Variants in CHST12 observed in about 807,000 individuals in gnomAD.
The protein encoded by CHST12 is carbohydrate (chondroitin 4) sulfotransferase 12.
A neutral mutation model predicts 27.9 loss-of-function variants in CHST12; 23 were observed. That is an observed-to-expected ratio of 0.82 (90% confidence interval 0.59 to 1.17). The LOEUF is 1.17. CHST12 is among the 50% of genes most tolerant of loss of function. CHST12 has a pLI of 0.00. For synonymous variants in CHST12, 322 were observed against 273.0 expected, an observed-to-expected ratio of 1.18 and a Z score of -1.77; for missense variants, 682 against 603.0, an observed-to-expected ratio of 1.13 and a Z score of -1.37.
chr7:2,437,106 G>A lies in CHST12; in HGVS notation c.*3222G>A, dbSNP rs1782492266. 6.6e-6 allele frequency: 1 copy of A among 152,246 alleles called. No homozygotes were observed. Among genetic ancestry groups the A allele is most frequent in the East Asian group, 1.9e-4 (1 of 5,200 alleles). 9.4% of individuals were successfully genotyped at this position (152,246 alleles called of 1,614,324 possible). On this transcript the variant is annotated 3_prime_UTR_variant, in exon 2 of 2. Transcript: ENST00000618655. ...AAACACAGCAAATTATACATTTTAT[G>A]AAAATTGGCATCGTACAACTGGAAA...
At chr7:2,405,430 TA>T (rs911727061) in intron 1 of CHST12, among the ~76,000 whole-genome samples, 1 of 151,328 alleles carries the variant, frequency 6.6e-6, no homozygotes, top group Non-Finnish European at 1.5e-5. Context: ...GGCAACAGAG[TA>T]AAAAAAAGAC....
intron 1 of CHST12, among the ~76,000 whole-genome samples, chr7:2,420,483 T>C (rs1382642564): frequency 6.6e-6 from 1 of 152,188 alleles, no homozygotes; most frequent in Non-Finnish European, 1.5e-5. Flanking sequence ...CTGACATCAG[T>C]GTGGACATGG....
rs554818518 is a variant in CHST12 at position 2,437,222 on chromosome 7, G to T, written c.*3338G>T. The T allele has an allele frequency of 6.6e-6, 1 of 152,364 alleles. No homozygotes were observed. Among genetic ancestry groups the T allele is most frequent in the Admixed American group, 6.5e-5 (1 of 15,302 alleles). The allele number at this position is 152,364 out of a possible 1,614,324, so 9.4% of individuals were successfully genotyped here. ...TGAGCACAGTCATGAGAATGACTTGGTTGGGTGCGGGGTGGTGTCACAAAG... is the reference window on the plus strand; with the variant it reads ...TGAGCACAGTCATGAGAATGACTTGTTTGGGTGCGGGGTGGTGTCACAAAG... On this transcript the variant is annotated 3_prime_UTR_variant, in exon 2 of 2. Transcript: ENST00000618655.
At position 2,433,503 on chromosome 7, in the gene CHST12, G is replaced by A. The variant is rs780659495; in HGVS notation, c.864G>A (p.Ala288=). ...YANHTSLPAS[A]REAFRAGLKV... ...ACCACACCAGCCTGCCCGCCTCGGCGCGCGAGGCCTTCCGCGCTGGCCTCA... is the reference window on the plus strand; with the variant it reads ...ACCACACCAGCCTGCCCGCCTCGGCACGCGAGGCCTTCCGCGCTGGCCTCA... The change falls in exon 2 of 2, where the codon GCG becomes GCA. Residue 288 remains alanine (A), a synonymous_variant. Coordinates refer to ENST00000618655, the MANE Select transcript of CHST12 (RefSeq NM_018641.5). This position sits in a 1 kb window ranked among gnomAD's most constrained non-coding sequence, Gnocchi z 6.1. 4 of 1,612,108 alleles carry A rather than the reference G, an allele frequency of 2.5e-6. No homozygotes were observed. Among genetic ancestry groups the A allele is most frequent in the Admixed American group, 1.7e-5 (1 of 60,004 alleles).
intron 1 of CHST12, among the ~76,000 whole-genome samples, chr7:2,423,301 G>A (rs1782024247): frequency 1.3e-5 from 2 of 152,054 alleles, no homozygotes; most frequent in South Asian, 4.2e-4. Context: ...TAGAAAAATA[G>A]GCTGTAAAAT....
intron 1 of CHST12, among the ~76,000 whole-genome samples, chr7:2,409,075 G>C (rs563858811): frequency 6.6e-6 from 1 of 152,170 alleles, no homozygotes; most frequent in Non-Finnish European, 1.5e-5. Context: ...ACCATCGTGC[G>C]GGAAACGAAA....
At chr7:2,404,574 G>T (rs1294920356) in intron 1 of CHST12, among the ~76,000 whole-genome samples, 1 of 152,242 alleles carries the variant, frequency 6.6e-6, no homozygotes, top group African/African-American at 2.4e-5. Context: ...GGACAGCTCA[G>T]CGGGTCCCCC....
Position 2,422,313 on chromosome 7 carries a change from C to T in CHST12, c.-77-10250C>T, listed in dbSNP as rs532605629. Among the ~76,000 whole-genome samples, 99 of 151,928 alleles carry T rather than the reference C, an allele frequency of 6.5e-4. 1 individual carries two copies. The South Asian group carries it at 9.8e-3, about 15-fold the overall frequency. On this transcript the variant is annotated intron_variant, in intron 1 of 1. Transcript: ENST00000618655. ...AGGCTGGAGTGCAGTGGCGCCATCTCGGCTCACTGCAACCTCCGCCTCCCA... is the reference window on the plus strand; with the variant it reads ...AGGCTGGAGTGCAGTGGCGCCATCTTGGCTCACTGCAACCTCCGCCTCCCA...
At chr7:2,422,945 G>T (rs1399803070) in intron 1 of CHST12, among the ~76,000 whole-genome samples, 1 of 151,752 alleles carries the variant, frequency 6.6e-6, no homozygotes, top group African/African-American at 2.4e-5. Context: ...CTCGAGAGGG[G>T]TGGTCCTGAA....
chr7:2,411,826 C>T (rs2023968), intron 1 of CHST12, among the ~76,000 whole-genome samples: 94,721 of 152,092 alleles, frequency 0.62, 30,146 homozygotes, highest in East Asian at 0.79. Context: ...AGTGAGTTAT[C>T]GTTTGGATTC....
intron 1 of CHST12, 87 bp from the exon 2 acceptor site, chr7:2,432,476 C>T (rs1782297714): frequency 1.3e-5 from 11 of 825,804 alleles, no homozygotes; most frequent in South Asian, 3.7e-5. Context: ...CCTGCTCCTC[C>T]GGACCCCAGT....
rs139138201 is a variant in CHST12 at position 2,433,508 on chromosome 7, A to G, written c.869A>G (p.Glu290Gly). 6.2e-7 allele frequency: 1 copy of G among 1,612,282 alleles called. No homozygotes were observed. Among genetic ancestry groups the G allele is most frequent in the East Asian group, 2.2e-5 (1 of 44,862 alleles). Reference protein sequence around the residue: ...NHTSLPASAREAFRAGLKVSF... With the variant: ...NHTSLPASARGAFRAGLKVSF... ...ACCAGCCTGCCCGCCTCGGCGCGCG[A>G]GGCCTTCCGCGCTGGCCTCAAGGTG... The change falls in exon 2 of 2, where the codon GAG becomes GGG. Residue 290 changes from glutamate to glycine, a missense_variant. By Grantham distance (98) the Glu-to-Gly change is moderately conservative. Coordinates refer to ENST00000618655, the MANE Select transcript of CHST12 (RefSeq NM_018641.5). This position sits in a 1 kb window ranked among gnomAD's most constrained non-coding sequence, Gnocchi z 6.1.
chr7:2,422,223 TC>T (rs1781994319), intron 1 of CHST12, among the ~76,000 whole-genome samples: 1 of 151,918 alleles, frequency 6.6e-6, no homozygotes, highest in African/African-American at 2.4e-5. Flanking sequence ...TGTTAACTTT[TC>T]CCCTTTGCTA....
intron 1 of CHST12, among the ~76,000 whole-genome samples, chr7:2,414,717 G>A (rs1781759384): frequency 6.6e-6 from 1 of 152,140 alleles, no homozygotes; most frequent in Admixed American, 6.6e-5. Flanking sequence ...AAGTCATGGA[G>A]ATTTTTTCCT....
intron 1 of CHST12, among the ~76,000 whole-genome samples, chr7:2,431,620 C>T (rs1439558979): frequency 1.3e-5 from 2 of 152,194 alleles, no homozygotes; most frequent in Non-Finnish European, 1.5e-5. Context: ...AGAGGAAGCA[C>T]CTCTACTTCC....
chr7:2,433,826 A>C lies in CHST12; in HGVS notation c.1187A>C (p.Tyr396Ser). The change falls in exon 2 of 2, where the codon TAC becomes TCC. Residue 396 changes from tyrosine (Y) to serine (S), a missense_variant. By Grantham distance (144) the Tyr-to-Ser change is moderately radical. Coordinates refer to ENST00000618655, the MANE Select transcript of CHST12 (RefSeq NM_018641.5). This position sits in a 1 kb window ranked among gnomAD's most constrained non-coding sequence, Gnocchi z 6.1. The stretch of plus-strand genomic sequence containing the variant: ...TGGAGGCAGCAGCTGTATAAACTCT[A>C]CGAGGCCGACTTTGTTCTCTTCGGC... The part of the protein sequence containing the change: ...LAWRQQLYKL[Y>S]EADFVLFGYP... 1 of 1,612,282 alleles carries C rather than the reference A, an allele frequency of 6.2e-7. No individual in the cohort carries two copies.
intron 1 of CHST12, among the ~76,000 whole-genome samples, chr7:2,419,903 C>T (rs1384168806): frequency 2.0e-5 from 3 of 149,054 alleles, no homozygotes; most frequent in Admixed American, 6.7e-5. Context: ...CACCATTCTA[C>T]TTTCTGTCTC....
intron 1 of CHST12, among the ~76,000 whole-genome samples, chr7:2,428,071 G>T (rs935297686): frequency 9.9e-5 from 15 of 152,086 alleles, no homozygotes; most frequent in Non-Finnish European, 1.0e-4. Context: ...CCAAAGTGCT[G>T]GGGTTACAGG....
At position 2,437,666 on chromosome 7, in the gene CHST12, T is replaced by G. The variant is rs921995677; in HGVS notation, c.*3782T>G. On this transcript the variant is annotated 3_prime_UTR_variant, in exon 2 of 2. Coordinates refer to ENST00000618655, the MANE Select transcript of CHST12 (RefSeq NM_018641.5). ...CACGTCTGTGCCCTGAGGTGGGTGG[T>G]TTGGTGAAGGTGGGGCTTTAACCTA... is the stretch of plus-strand genomic sequence containing the variant. The G allele has an allele frequency of 3.9e-5, 6 of 152,104 alleles. No homozygotes were observed. Among genetic ancestry groups the G allele is most frequent in the Admixed American group, 3.9e-4 (6 of 15,214 alleles). The allele number at this position is 152,104 out of a possible 1,614,324, so 9.4% of individuals were successfully genotyped here.
Sources: allele counts gnomAD v4.1 joint callset (sites outside exome capture counted in the v4.1 genomes callset), GRCh38; gene constraint gnomAD v4.1.1; non-coding constraint Gnocchi (gnomAD v3.1); transcripts MANE v1.5; gene names NCBI Gene and HGNC (gene_info 2026-07-23, HGNC 2026-07-21).